Variants in FRMPD4 observed in about 807,000 individuals in gnomAD.
The protein encoded by FRMPD4 is FERM and PDZ domain containing 4.
In FRMPD4, 22 loss-of-function variants were observed where a neutral mutation model predicts 94.1. The observed-to-expected ratio is 0.23, with a 90% confidence interval of 0.17 to 0.33. The LOEUF (loss-of-function observed/expected upper bound fraction) is 0.33. Among genes scored for constraint, FRMPD4 ranks in the 10% least tolerant of loss-of-function variants. FRMPD4 has a pLI of 1.00. For missense variants in FRMPD4, 1,111 were observed against 1,339.9 expected, an observed-to-expected ratio of 0.83 and a Z score of 2.67; for synonymous variants, 631 against 548.6, an observed-to-expected ratio of 1.15 and a Z score of -2.10.
chrX:11,953,061 CA>C (rs2054234077), intron 3 of FRMPD4, among the ~76,000 whole-genome samples: 1 of 111,212 alleles, frequency 9.0e-6, no homozygotes, highest in Non-Finnish European at 1.9e-5. Flanking sequence ...AAAATCAATA[CA>C]AAAAAATAAG....
At position 12,237,219 on chromosome X, in the gene FRMPD4, T is replaced by C. The variant is rs749853718; in HGVS notation, c.41+98207T>C. On this transcript the variant is annotated intron_variant, in intron 1 of 16. Coordinates refer to ENST00000675598, the MANE Select transcript of FRMPD4 (RefSeq NM_001368397.1). ...ACATTTAAGAAATATATTTTTGCAT[T>C]CTTTTCATATTGTATACATCTAAGT... 2.7e-5 allele frequency among the ~76,000 whole-genome samples: 3 copies of C among 110,889 alleles called. No individual in the cohort carries two copies. In the Admixed American group the frequency reaches 3.0e-4, roughly 11 times the overall value.
intron 1 of FRMPD4, among the ~76,000 whole-genome samples, chrX:12,429,845 G>A (rs1027510333): frequency 6.3e-5 from 7 of 111,847 alleles, no homozygotes; most frequent in Non-Finnish European, 1.1e-4. Context: ...ATGAGATTAA[G>A]GCCCTTATAA....
At chrX:12,299,775 G>A (rs2147889172) in intron 1 of FRMPD4, among the ~76,000 whole-genome samples, 1 of 112,051 alleles carries the variant, frequency 8.9e-6, no homozygotes, top group Admixed American at 9.4e-5. Flanking sequence ...ACAAAAGTAA[G>A]TCATGCTGAC....
chrX:12,464,987 G>A (rs896686543), intron 1 of FRMPD4, among the ~76,000 whole-genome samples: 1 of 112,083 alleles, frequency 8.9e-6, no homozygotes, highest in African/African-American at 3.2e-5. Flanking sequence ...ATTACCCAAA[G>A]TGAGACTTTA....
At chrX:12,169,305 A>G (rs1214461814) in intron 1 of FRMPD4, among the ~76,000 whole-genome samples, 1 of 112,009 alleles carries the variant, frequency 8.9e-6, no homozygotes, top group Non-Finnish European at 1.9e-5. Context: ...CCTAGCAAGA[A>G]AGGTGTTGGT....
At chrX:12,580,122 T>C (rs1440075071) in intron 2 of FRMPD4, among the ~76,000 whole-genome samples, 1 of 112,032 alleles carries the variant, frequency 8.9e-6, no homozygotes, top group African/African-American at 3.2e-5. Context: ...AGAGGGGAGT[T>C]GACACTTGGA....
chrX:12,611,024 C>T (rs952716916), intron 3 of FRMPD4, among the ~76,000 whole-genome samples: 5 of 111,999 alleles, frequency 4.5e-5, no homozygotes, highest in African/African-American at 1.6e-4. Context: ...TATGTCAAAT[C>T]TTTAAAATTC....
At chrX:12,369,309 G>C (rs1203410350) in intron 1 of FRMPD4, among the ~76,000 whole-genome samples, 1 of 109,137 alleles carries the variant, frequency 9.2e-6, no homozygotes, top group Non-Finnish European at 1.9e-5. Context: ...AGTCATGCTG[G>C]TCTGTCTCCA....
At chrX:12,423,577 G>C (rs1235474620) in intron 1 of FRMPD4, among the ~76,000 whole-genome samples, 1 of 111,882 alleles carries the variant, frequency 8.9e-6, no homozygotes, top group African/African-American at 3.2e-5. Flanking sequence ...GGTGCAGAAA[G>C]GTTTGCAAGG....
chrX:12,603,919 GA>G (rs2059107174), intron 2 of FRMPD4, among the ~76,000 whole-genome samples: 1 of 110,900 alleles, frequency 9.0e-6, no homozygotes, highest in Non-Finnish European at 1.9e-5. Context: ...CTGGAAAAGA[GA>G]CGGGGGTTGA....
At chrX:12,541,771 G>A (rs185604488) in intron 2 of FRMPD4, among the ~76,000 whole-genome samples, 1 of 111,642 alleles carries the variant, frequency 9.0e-6, no homozygotes, top group African/African-American at 3.3e-5. Context: ...ACCAAAGCCT[G>A]GCAGAGACAC....
intron 2 of FRMPD4, among the ~76,000 whole-genome samples, chrX:12,557,310 C>T (rs1360974463): frequency 9.0e-6 from 1 of 111,187 alleles, no homozygotes; most frequent in Admixed American, 9.5e-5. Context: ...TAGCAGCTCT[C>T]AGAGAGAATA....
intron 2 of FRMPD4, among the ~76,000 whole-genome samples, chrX:12,508,956 C>T (rs1181381853): frequency 1.1e-4 from 10 of 88,929 alleles, no homozygotes; most frequent in South Asian, 1.3e-3. Flanking sequence ...CGCACCATTG[C>T]ACTTCAGCCT....
intron 3 of FRMPD4, among the ~76,000 whole-genome samples, chrX:12,003,386 A>AGTGTGTGTGTGTGTGT: frequency 9.8e-6 from 1 of 102,198 alleles, no homozygotes; most frequent in East Asian, 3.1e-4. Flanking sequence ...CAGTTTGGCA[A>AGTGTGTGTGTGTGTGT]GTGTGTGTGT....
intron 3 of FRMPD4, among the ~76,000 whole-genome samples, chrX:12,032,455 TTGA>T (rs1292716922): frequency 8.9e-6 from 1 of 112,274 alleles, no homozygotes; most frequent in Non-Finnish European, 1.9e-5. Flanking sequence ...AAAGTAATCA[TTGA>T]TGATAACAAG....
intron 1 of FRMPD4, among the ~76,000 whole-genome samples, chrX:12,208,836 A>T (rs2056725176): frequency 8.9e-6 from 1 of 111,924 alleles, no homozygotes; most frequent in South Asian, 3.7e-4. Flanking sequence ...TAAAGCGTAA[A>T]GAGTAAAATT....
At chrX:12,182,868 C>T (rs958545723) in intron 1 of FRMPD4, among the ~76,000 whole-genome samples, 1 of 111,230 alleles carries the variant, frequency 9.0e-6, no homozygotes, top group African/African-American at 3.3e-5. Context: ...CAATTTTATT[C>T]TGGACAGTTT....
intron 2 of FRMPD4, among the ~76,000 whole-genome samples, chrX:12,524,798 A>G (rs2058204149): frequency 9.0e-6 from 1 of 111,386 alleles, no homozygotes; most frequent in Admixed American, 9.6e-5. Flanking sequence ...TCCAATGAGA[A>G]CCTGCATTGA....
intron 3 of FRMPD4, among the ~76,000 whole-genome samples, chrX:11,990,109 T>C (rs905779755): frequency 8.9e-6 from 1 of 112,576 alleles, no homozygotes; most frequent in African/African-American, 3.2e-5. Flanking sequence ...ATACATACAA[T>C]GGAATTTTAT....
Sources: allele counts gnomAD v4.1 joint callset (sites outside exome capture counted in the v4.1 genomes callset), GRCh38; gene constraint gnomAD v4.1.1; transcripts MANE v1.5; gene names NCBI Gene and HGNC (gene_info 2026-07-23, HGNC 2026-07-21).